The following ELP4 variants were observed in gnomAD, a reference collection of about 807,000 sequenced individuals.
ELP4 encodes the protein elongator acetyltransferase complex subunit 4, also known as elongator complex protein 4.
Under a neutral mutation model 48.9 loss-of-function variants are expected in ELP4, and 51 were observed. The ratio of observed to expected loss-of-function variants is 1.04; its 90% confidence interval spans 0.83 to 1.32. The LOEUF is 1.32. ELP4 is among the 40% of genes most tolerant of loss of function. ELP4 has a pLI of 0.00. For synonymous variants in ELP4, 210 were observed against 189.2 expected, an observed-to-expected ratio of 1.11 and a Z score of -0.90; for missense variants, 519 against 514.6, an observed-to-expected ratio of 1.01 and a Z score of -0.08.
rs917273732 is a variant in ELP4 at position 31,789,709 on chromosome 11, C to A, written c.*6185C>A. 4 of 703,232 alleles carry A rather than the reference C, an allele frequency of 5.7e-6. No individual in the cohort carries two copies. Among genetic ancestry groups the A allele is most frequent in the Non-Finnish European group, 1.0e-5 (4 of 385,084 alleles). The allele number at this position is 703,232 out of a possible 1,614,324, so 43.6% of individuals were successfully genotyped here. A position where few individuals can be genotyped will look rare whatever the true frequency, so the allele number is the denominator to read the frequency against. On this transcript the variant is annotated 3_prime_UTR_variant, in exon 10 of 10. Transcript: ENST00000640961. ...ACCAAAATGAATAAAAGTTTGGATA[C>A]CAAAATGAAGATTTGTTCCAACTGA...
rs892562762 is a variant in ELP4 at position 31,785,469 on chromosome 11, A to G, written c.*1945A>G. The G allele has an allele frequency of 1.1e-5, 2 of 187,768 alleles. No homozygotes were observed. Among genetic ancestry groups the G allele is most frequent in the Non-Finnish European group, 2.2e-5 (2 of 89,024 alleles). The allele number at this position is 187,768 out of a possible 1,614,324, so 11.6% of individuals were successfully genotyped here. ...TTAACAGCCAATTACTAGTTAATAT[A>G]TGCTTTGCAAATAGATAACTACTAT... On this transcript the variant is annotated 3_prime_UTR_variant, in exon 10 of 10. Transcript: ENST00000640961.
At position 31,783,410 on chromosome 11, in the gene ELP4, A is replaced by G; in HGVS notation, c.1161A>G (p.Pro387=). The G allele has an allele frequency of 5.6e-6, 9 of 1,613,646 alleles. No homozygotes were observed. Among genetic ancestry groups the G allele is most frequent in the Non-Finnish European group, 7.6e-6 (9 of 1,179,676 alleles). Residue 387 remains proline (P), a synonymous_variant, in exon 10 of 10, where the codon CCA becomes CCG. Transcript: ENST00000640961. The part of the protein sequence containing the change: ...LFTIERLHLP[P]DLSDTVSRSS... ...TGCCATAGCGACTGCATTTGCCTCC[A>G]GACTTGTCAGACACAGTGAGCCGCT...
intron 9 of ELP4, chr11:31,689,151 G>A (rs1340883270): frequency 2.0e-5 from 3 of 152,038 alleles, no homozygotes; most frequent in African/African-American, 7.3e-5. Context: ...GCTTCAATAG[G>A]TTCATCTTTA....
chr11:31,738,378 C>T (rs182815527), intron 9 of ELP4, among the ~76,000 whole-genome samples: 19 of 151,512 alleles, frequency 1.3e-4, no homozygotes, highest in African/African-American at 2.2e-4. Flanking sequence ...CACCACTGTA[C>T]GCCAGCCTGG....
chr11:31,670,678 AAAGGGAG>A (rs1945788456), intron 9 of ELP4, among the ~76,000 whole-genome samples: 1 of 152,148 alleles, frequency 6.6e-6, no homozygotes, highest in Non-Finnish European at 1.5e-5. Context: ...AATTTCAAGC[AAAGGGAG>A]GCTTTTGCGT....
At chr11:31,692,724 G>T (rs2134141086) in intron 9 of ELP4, among the ~76,000 whole-genome samples, 2 of 152,166 alleles carry the variant, frequency 1.3e-5, no homozygotes, top group Middle Eastern at 3.4e-3. Context: ...ACATGATGTT[G>T]CCTCTGATTG....
At chr11:31,674,218 A>G (rs2134111716) in intron 9 of ELP4, among the ~76,000 whole-genome samples, 1 of 152,344 alleles carries the variant, frequency 6.6e-6, no homozygotes, top group Admixed American at 6.5e-5. Context: ...ATTTTTATTT[A>G]ATAGAGCATC....
intron 9 of ELP4, among the ~76,000 whole-genome samples, chr11:31,773,550 A>G (rs967387715): frequency 6.6e-6 from 1 of 152,170 alleles, no homozygotes; most frequent in African/African-American, 2.4e-5. Flanking sequence ...ACCCCCATGA[A>G]GCAAGCAACT....
At chr11:31,637,743 T>C (rs377054859) in intron 7 of ELP4, among the ~76,000 whole-genome samples, 3 of 151,988 alleles carry the variant, frequency 2.0e-5, no homozygotes, top group African/African-American at 7.2e-5. Context: ...ACTAGCAAAA[T>C]TTGTCATCCA....
At chr11:31,781,018 CCTTT>C (rs1321552682) in intron 9 of ELP4, among the ~76,000 whole-genome samples, 2 of 152,188 alleles carry the variant, frequency 1.3e-5, no homozygotes, top group Non-Finnish European at 2.9e-5. Context: ...TTTGTGTCTG[CCTTT>C]CTTGTATACC....
intron 4 of ELP4, among the ~76,000 whole-genome samples, chr11:31,595,377 A>G (rs1592145555): frequency 6.6e-6 from 1 of 152,320 alleles, no homozygotes; most frequent in South Asian, 2.1e-4. Flanking sequence ...AAATCTGTCC[A>G]GTAAAACTCA....
At chr11:31,743,626 A>G (rs1458501461) in intron 9 of ELP4, among the ~76,000 whole-genome samples, 1 of 152,200 alleles carries the variant, frequency 6.6e-6, no homozygotes, top group Non-Finnish European at 1.5e-5. Context: ...TGGAAACTGA[A>G]CAACCTGCTC....
intron 3 of ELP4, among the ~76,000 whole-genome samples, chr11:31,590,785 T>G (rs1188442423): frequency 6.6e-6 from 1 of 152,120 alleles, no homozygotes; most frequent in Non-Finnish European, 1.5e-5. Context: ...TAGTTCACAC[T>G]TTTAAACACC....
At chr11:31,581,153 C>T (rs1470094230) in intron 3 of ELP4, among the ~76,000 whole-genome samples, 2 of 152,150 alleles carry the variant, frequency 1.3e-5, no homozygotes, top group African/African-American at 2.4e-5. Context: ...CCCTTGAAAT[C>T]GTCCATACTC....
intron 5 of ELP4, among the ~76,000 whole-genome samples, chr11:31,613,197 G>A (rs919022148): frequency 8.5e-5 from 13 of 152,150 alleles, no homozygotes; most frequent in Admixed American, 8.5e-4. Context: ...ATATAATGGA[G>A]TGAAAAAGCA....
chr11:31,677,740 A>G (rs1437673772), intron 9 of ELP4, among the ~76,000 whole-genome samples: 1 of 152,216 alleles, frequency 6.6e-6, no homozygotes, highest in Non-Finnish European at 1.5e-5. Flanking sequence ...AATTGAAAAG[A>G]AAATATAGAG....
At chr11:31,614,532 A>G (rs1003030869) in intron 5 of ELP4, among the ~76,000 whole-genome samples, 2 of 152,224 alleles carry the variant, frequency 1.3e-5, no homozygotes, top group African/African-American at 4.8e-5. Flanking sequence ...TTTTTGAGGT[A>G]TAAGATAACT....
At chr11:31,737,233 C>G (rs1468234675) in intron 9 of ELP4, among the ~76,000 whole-genome samples, 1 of 152,072 alleles carries the variant, frequency 6.6e-6, no homozygotes, top group African/African-American at 2.4e-5. Context: ...AAACCAAACA[C>G]TGCATGTTCT....
At chr11:31,773,650 C>T (rs542000116) in intron 9 of ELP4, among the ~76,000 whole-genome samples, 1 of 152,292 alleles carries the variant, frequency 6.6e-6, no homozygotes, top group Admixed American at 6.5e-5. Flanking sequence ...TCTCAACACA[C>T]AAAAATAAAT....
Sources: allele counts gnomAD v4.1 joint callset (sites outside exome capture counted in the v4.1 genomes callset), GRCh38; gene constraint gnomAD v4.1.1; transcripts MANE v1.5; gene names NCBI Gene and HGNC (gene_info 2026-07-23, HGNC 2026-07-21).